Variants in BRD1 observed in about 807,000 individuals in gnomAD.
BRD1 encodes bromodomain containing 1.
Under a neutral mutation model 107.7 loss-of-function variants are expected in BRD1, and 24 were observed. The ratio of observed to expected loss-of-function variants is 0.22; its 90% CI spans 0.16 to 0.31. The LOEUF is 0.31. Ranked by LOEUF, BRD1 falls within the 10% of genes least tolerant of loss-of-function variation. BRD1 has a pLI of 1.00. For synonymous variants in BRD1, 744 were observed against 686.1 expected, an observed-to-expected ratio of 1.08 and a Z score of -1.32; for missense variants, 1,279 against 1,638.6, an observed-to-expected ratio of 0.78 and a Z score of 3.79.
At chr22:49,782,410 C>A (rs1416989052) in intron 8 of BRD1, among the ~76,000 whole-genome samples, 1 of 151,182 alleles carries the variant, frequency 6.6e-6, no homozygotes. Flanking sequence ...TGGTCAGAGA[C>A]AGACCCAAGG....
chr22:49,818,228 G>C, intron 2 of BRD1: 1 of 1,201,576 alleles, frequency 8.3e-7, no homozygotes, highest in Non-Finnish European at 1.1e-6. Flanking sequence ...TTGCCTATCT[G>C]AGGTTCTTGT....
chr22:49,776,354 C>G (rs1331639622), intron 10 of BRD1, among the ~76,000 whole-genome samples, 195 bp from the exon 11 acceptor site: 1 of 152,200 alleles, frequency 6.6e-6, no homozygotes, highest in Non-Finnish European at 1.5e-5. Context: ...CCCTGCAGCC[C>G]ACCTGGGGCC....
intron 2 of BRD1, among the ~76,000 whole-genome samples, chr22:49,809,984 T>C (rs1452147132): frequency 6.6e-6 from 1 of 152,172 alleles, no homozygotes; most frequent in African/African-American, 2.4e-5. Context: ...CAAGCACAGA[T>C]GGACTATTTA....
Position 49,824,311 on chromosome 22 carries a change from T to A in BRD1, c.7A>T (p.Arg3Trp). 1 of 1,611,936 alleles carries A rather than the reference T, an allele frequency of 6.2e-7. No homozygotes were observed. The highest frequency in any genetic ancestry group is 8.5e-7 in the Non-Finnish European group (1 of 1,178,476). The change falls in exon 2 of 13, where the codon AGG becomes TGG. Residue 3 changes from arginine to tryptophan, a missense_variant. Coordinates refer to ENST00000404760, the MANE Select transcript of BRD1 (RefSeq NM_001304808.3). This position sits in a 1 kb window ranked among gnomAD's most constrained non-coding sequence, Gnocchi z 5.9. MR[R>W]KGRCHRGSAA... ...GAGCCTCGATGACATCGTCCTTTCC[T>A]CCTCATTTGGTAATGATTACCTAAA...
chr22:49,812,574 A>G (rs1298420365), intron 2 of BRD1, among the ~76,000 whole-genome samples: 1 of 152,204 alleles, frequency 6.6e-6, no homozygotes, highest in East Asian at 1.9e-4. Flanking sequence ...TTGTCTCAAA[A>G]AAGTAAAAGT....
At chr22:49,805,695 A>T (rs1194792149) in intron 2 of BRD1, 1 of 150,462 alleles carries the variant, frequency 6.6e-6, no homozygotes, top group African/African-American at 2.5e-5. Flanking sequence ...GAGGCAAACC[A>T]TGTGCAGTCA....
In BRD1 at chr22:49,777,289, G is replaced by T. The variant is rs4469; in HGVS notation, c.2994-128C>A. On this transcript the variant is annotated intron_variant, in intron 9 of 12. Coordinates refer to ENST00000404760, the MANE Select transcript of BRD1 (RefSeq NM_001304808.3). ...CTGCCTGACACCCCCGCGGCCAGAC[G>T]GGCCTGTGGGTGCGCAGGTCTGGAG... The T allele has an allele frequency of 1.7e-5, 24 of 1,427,460 alleles. No individual in the cohort carries two copies. In the East Asian group the frequency reaches 4.2e-4, roughly 25 times the overall value. The allele number at this position is 1,427,460 out of a possible 1,614,324, so 88.4% of individuals were successfully genotyped here.
At chr22:49,779,203 C>T (rs987432302) in intron 8 of BRD1, among the ~76,000 whole-genome samples, 3 of 152,182 alleles carry the variant, frequency 2.0e-5, no homozygotes, top group Non-Finnish European at 2.9e-5. Flanking sequence ...TCCTGAGTGG[C>T]TGGGAGGCAT....
At chr22:49,798,894 A>T in intron 4 of BRD1, 94 bp downstream of exon 4, 4 of 1,496,742 alleles carry the variant, frequency 2.7e-6, no homozygotes. Context: ...GCCAGGACCC[A>T]CCGGGTGCAG....
chr22:49,796,367 T>C (rs2059532759), intron 6 of BRD1, among the ~76,000 whole-genome samples: 1 of 151,894 alleles, frequency 6.6e-6, no homozygotes, highest in African/African-American at 2.4e-5. Context: ...TTTTTCTTTT[T>C]TTTTTTGGAG....
In BRD1 at chr22:49,774,248, G is replaced by C; in HGVS notation, c.3555C>G (p.Leu1185=). 6.2e-7 allele frequency: 1 copy of C among 1,613,868 alleles called. No individual in the cohort carries two copies. Among genetic ancestry groups the C allele is most frequent in the Non-Finnish European group, 8.5e-7 (1 of 1,179,832 alleles). ...SRVHGEPTSD[L]SDID ...GGCCGGGCCGTCAGTCAATGTCACT[G>C]AGGTCGCTGGTCGGCTCCCCGTGGA... The change falls in exon 13 of 13, where the codon CTC becomes CTG. Residue 1185 remains leucine, a synonymous_variant. Coordinates refer to ENST00000404760, the MANE Select transcript of BRD1 (RefSeq NM_001304808.3).
chr22:49,815,449 A>G (rs1343821844), intron 2 of BRD1, among the ~76,000 whole-genome samples: 9 of 152,086 alleles, frequency 5.9e-5, no homozygotes, highest in African/African-American at 1.7e-4. Flanking sequence ...AGGCTGAGGC[A>G]GGAGAATCGC....
At chr22:49,795,061 G>A (rs2059504761) in intron 6 of BRD1, among the ~76,000 whole-genome samples, 1 of 151,916 alleles carries the variant, frequency 6.6e-6, no homozygotes, top group African/African-American at 2.4e-5. Context: ...TCTAGAAACA[G>A]GTGTTTTACT....
rs1044804892 is a variant in BRD1, at chr22:49,788,022, C to T, written c.2360-135G>A. 15 of 922,646 alleles carry T rather than the reference C, an allele frequency of 1.6e-5. No homozygotes were observed. The South Asian group carries it at 2.3e-4, about 14-fold the overall frequency. The allele number at this position is 922,646 out of a possible 1,614,324, so 57.2% of individuals were successfully genotyped here. A position where few individuals can be genotyped will look rare whatever the true frequency, so the allele number is the denominator to read the frequency against. The stretch of plus-strand genomic sequence containing the variant: ...CAAGGCATCGCATGTACTGTCTGCT[C>T]GGCAGTGTGGGCCCCGTGGGCTCGG... On this transcript the variant is annotated intron_variant, in intron 7 of 12. Transcript: ENST00000404760.
chr22:49,797,335 C>T (rs1355599678), intron 6 of BRD1, among the ~76,000 whole-genome samples: 1 of 152,238 alleles, frequency 6.6e-6, no homozygotes, highest in Non-Finnish European at 1.5e-5. Context: ...CCTCCGGCTT[C>T]ACGCCACCCT....
Position 49,803,460 on chromosome 22 carries a change from C to T in BRD1, c.1524+744G>A, listed in dbSNP as rs981402434. ...CTCACTAGGCAGCGTGGGCAGAGGG[C>T]GCTGGCCGCAGGTCCTGGGCCGTGT... On this transcript the variant is annotated intron_variant, in intron 3 of 12. Transcript: ENST00000404760. This position sits in a 1 kb window ranked among gnomAD's most constrained non-coding sequence, Gnocchi z 4.4. 2.0e-5 allele frequency among the ~76,000 whole-genome samples: 3 copies of T among 152,192 alleles called. No homozygotes were observed. Among genetic ancestry groups the T allele is most frequent in the Non-Finnish European group, 4.4e-5 (3 of 68,038 alleles).
At chr22:49,808,297 T>C (rs1171407997) in intron 2 of BRD1, among the ~76,000 whole-genome samples, 1 of 152,214 alleles carries the variant, frequency 6.6e-6, no homozygotes, top group African/African-American at 2.4e-5. Context: ...GAGGAAGGAA[T>C]GGGTAAGCAA....
At chr22:49,814,921 ATCT>A (rs2059921299) in intron 2 of BRD1, among the ~76,000 whole-genome samples, 1 of 152,236 alleles carries the variant, frequency 6.6e-6, no homozygotes, top group African/African-American at 2.4e-5. Context: ...TGCTGAGAAC[ATCT>A]TCTACATGCC....
chr22:49,820,605 C>G lies in BRD1; in HGVS notation c.1367+2346G>C, dbSNP rs147006576. Among the ~76,000 whole-genome samples the G allele has an allele frequency of 2.5e-3, 380 of 152,312 alleles. 1 individual carries two copies. The highest frequency in any genetic ancestry group is 8.7e-3 in the African/African-American group (361 of 41,570). On this transcript the variant is annotated intron_variant, in intron 2 of 12. Transcript: ENST00000404760. ...TGGGCAACAGAACAAGACCCTGTCT[C>G]TAAACATAAAATAAAAAATAAGAAG... is the stretch of plus-strand genomic sequence containing the variant.
Sources: gnomAD v4.1 joint callset for allele counts (sites outside exome capture counted in the v4.1 genomes callset) on GRCh38, gnomAD v4.1.1 for gene constraint, Gnocchi (gnomAD v3.1) non-coding constraint, MANE v1.5 for transcripts, NCBI Gene and HGNC (gene_info 2026-07-23, HGNC 2026-07-21) for gene names.